CPNE4: variants seen among roughly 807,000 people sequenced by gnomAD.
CPNE4 encodes the protein copine-4.
CPNE4 carries 25 observed loss-of-function variants against 67.9 expected under a neutral mutation model. The ratio of observed to expected loss-of-function variants is 0.37; its 90% CI spans 0.27 to 0.51. The LOEUF is 0.51. Among genes scored for constraint, CPNE4 ranks in the 20% least tolerant of loss-of-function variants. The pLI is 0.93. For synonymous variants in CPNE4, 242 were observed against 244.9 expected (o/e 0.99, Z 0.11); for missense variants, 464 against 690.8 (o/e 0.67, Z 3.68).
chr3:131,660,934 AT>A (rs1051387045), intron 7 of CPNE4, among the ~76,000 whole-genome samples: 2 of 152,048 alleles, frequency 1.3e-5, no homozygotes, highest in Admixed American at 6.6e-5. Flanking sequence ...GCCTCTTCAT[AT>A]TTTTTCCCCT....
At chr3:131,772,040 A>T (rs1445930738) in intron 2 of CPNE4, among the ~76,000 whole-genome samples, 1 of 152,154 alleles carries the variant, frequency 6.6e-6, no homozygotes, top group East Asian at 1.9e-4. Flanking sequence ...TCGCAAATGA[A>T]CAGGCAATGA....
At chr3:131,979,396 TG>T (rs917743973) in intron 1 of CPNE4, among the ~76,000 whole-genome samples, 5 of 152,224 alleles carry the variant, frequency 3.3e-5, no homozygotes, top group African/African-American at 1.2e-4. Flanking sequence ...TTTAGGATTG[TG>T]ATATTTTCCT....
chr3:131,641,475 C>T (rs1384262651), intron 7 of CPNE4, among the ~76,000 whole-genome samples: 3 of 152,124 alleles, frequency 2.0e-5, no homozygotes. Context: ...TACCGCCTCA[C>T]ATCTGCAAAA....
chr3:132,001,550 A>AAAGAAGAGAAAG (rs1560765334), intron 1 of CPNE4, among the ~76,000 whole-genome samples: 4 of 127,800 alleles, frequency 3.1e-5, no homozygotes, highest in African/African-American at 1.2e-4. Context: ...GACAAAGAAA[A>AAAGAAGAGAAAG]AAGAGAAAGA....
intron 10 of CPNE4, among the ~76,000 whole-genome samples, 192 bp downstream of exon 10, chr3:131,574,879 A>G (rs1937511287): frequency 6.6e-6 from 1 of 152,144 alleles, no homozygotes; most frequent in Non-Finnish European, 1.5e-5. Context: ...GCTGAAAACT[A>G]TACTTATTAA....
At chr3:131,987,003 C>G (rs1204488546) in intron 1 of CPNE4, among the ~76,000 whole-genome samples, 3 of 152,132 alleles carry the variant, frequency 2.0e-5, no homozygotes, top group Non-Finnish European at 4.4e-5. Flanking sequence ...ATCAGAATCT[C>G]TGGAAGTGGT....
chr3:131,762,664 A>G (rs780571466), intron 2 of CPNE4, among the ~76,000 whole-genome samples: 23 of 152,126 alleles, frequency 1.5e-4, no homozygotes, highest in Non-Finnish European at 3.2e-4. Context: ...AGCAATATTA[A>G]GTAAGAATTC....
intron 2 of CPNE4, among the ~76,000 whole-genome samples, chr3:131,799,914 GTGTGT>G (rs1421403182): frequency 1.6e-5 from 1 of 62,674 alleles, no homozygotes; most frequent in Non-Finnish European, 3.0e-5. Context: ...GTGTGTGTGT[GTGTGT>G]TGTGTGTGTG....
chr3:131,981,110 G>A (rs1000115137), intron 1 of CPNE4, among the ~76,000 whole-genome samples: 1 of 152,096 alleles, frequency 6.6e-6, no homozygotes, highest in Non-Finnish European at 1.5e-5. Context: ...GGGATGCAAT[G>A]GACTCTGTGA....
rs111409925 is a variant in CPNE4 at position 131,644,154 on chromosome 3, C to CTT, written c.681+25519_681+25520dup. ...GGAGCTTGACTGAGAATTTACATTT[C>CTT]TTTTTTTTTTTGAGATGGAGTCTCG... On this transcript the variant is annotated intron_variant, in intron 7 of 15. Coordinates refer to ENST00000429747, the MANE Select transcript of CPNE4 (RefSeq NM_130808.3). 5.7e-3 allele frequency among the ~76,000 whole-genome samples: 839 copies of CTT among 146,850 alleles called. 10 individuals are homozygous for CTT. Among genetic ancestry groups the CTT allele is most frequent in the African/African-American group, 0.018 (735 of 40,216 alleles).
chr3:131,882,300 GAAGA>G (rs2087706052), intron 2 of CPNE4, among the ~76,000 whole-genome samples: 1 of 151,982 alleles, frequency 6.6e-6, no homozygotes, highest in Non-Finnish European at 1.5e-5. Flanking sequence ...GATAATTTTG[GAAGA>G]AAGATACAAA....
At chr3:131,661,185 C>T (rs1011411416) in intron 7 of CPNE4, among the ~76,000 whole-genome samples, 14 of 152,068 alleles carry the variant, frequency 9.2e-5, no homozygotes. Context: ...ATCAAAGTGC[C>T]CATCACAATG....
intron 1 of CPNE4, among the ~76,000 whole-genome samples, chr3:132,025,549 A>G (rs1283775437): frequency 6.6e-6 from 1 of 152,228 alleles, no homozygotes; most frequent in Non-Finnish European, 1.5e-5. Flanking sequence ...GATATCTACC[A>G]TACCTTCATA....
chr3:132,000,773 A>G (rs2073412428), intron 1 of CPNE4, among the ~76,000 whole-genome samples: 1 of 151,792 alleles, frequency 6.6e-6, no homozygotes, highest in African/African-American at 2.4e-5. Flanking sequence ...GAGACATCAA[A>G]AAATGAATAA....
At chr3:131,588,509 T>C (rs16837158) in intron 7 of CPNE4, among the ~76,000 whole-genome samples, 17,264 of 152,134 alleles carry the variant, frequency 0.11, 1,285 homozygotes, top group African/African-American at 0.21. Context: ...CCTTGGAATA[T>C]TGGGGATCTA....
chr3:132,005,362 C>CTGT (rs2073570595), intron 1 of CPNE4, among the ~76,000 whole-genome samples: 1 of 91,006 alleles, frequency 1.1e-5, no homozygotes, highest in African/African-American at 4.3e-5. Flanking sequence ...CACACACACA[C>CTGT]ACACACACAC....
At chr3:131,930,965 A>G (rs2071043814) in intron 1 of CPNE4, among the ~76,000 whole-genome samples, 1 of 152,130 alleles carries the variant, frequency 6.6e-6, no homozygotes, top group Non-Finnish European at 1.5e-5. Context: ...TTGCAAAGTG[A>G]GAAAGAATGA....
chr3:132,011,258 A>G (rs2073754189), intron 1 of CPNE4, among the ~76,000 whole-genome samples: 3 of 152,216 alleles, frequency 2.0e-5, no homozygotes, highest in Admixed American at 2.0e-4. Context: ...GCTCAAAATC[A>G]CAAAAACGAG....
chr3:131,784,271 T>G (rs1019219240), intron 2 of CPNE4, among the ~76,000 whole-genome samples: 13 of 152,126 alleles, frequency 8.5e-5, no homozygotes, highest in African/African-American at 3.1e-4. Context: ...TTCTGACTAT[T>G]ATAAAATTTT....
Sources: allele counts gnomAD v4.1 joint callset (sites outside exome capture counted in the v4.1 genomes callset), GRCh38; gene constraint gnomAD v4.1.1; transcripts MANE v1.5; gene names NCBI Gene and HGNC (gene_info 2026-07-23, HGNC 2026-07-21).